The following AGBL1 variants were observed in gnomAD, a reference collection of about 807,000 sequenced individuals.
AGBL1 encodes the protein AGBL carboxypeptidase 1.
A neutral mutation model predicts 118.9 loss-of-function variants in AGBL1; 130 were observed. That is an observed-to-expected ratio of 1.09 (90% CI 0.95 to 1.26). The LOEUF is 1.26. AGBL1 is among the 50% of genes most tolerant of loss of function. The probability of loss-of-function intolerance (pLI) is 0.00; values close to 1 mark genes in which losing one functional copy is unlikely to be tolerated. For missense variants in AGBL1, 1,584 were observed against 1,298.1 expected (o/e 1.22, Z -3.38); for synonymous variants, 555 against 478.9 (o/e 1.16, Z -2.08).
intron 4 of AGBL1, among the ~76,000 whole-genome samples, 184 bp downstream of exon 4, chr15:86,154,745 T>G (rs2077165474): frequency 6.6e-6 from 1 of 152,184 alleles, no homozygotes; most frequent in Admixed American, 6.5e-5. Context: ...CTTCATCATC[T>G]TCTCCTTAGC....
chr15:86,750,981 T>G (rs1481554775), intron 22 of AGBL1, among the ~76,000 whole-genome samples: 1 of 152,156 alleles, frequency 6.6e-6, no homozygotes, highest in African/African-American at 2.4e-5. Flanking sequence ...CATTCTTTTT[T>G]GTGGCTGCAT....
chr15:86,550,897 G>C (rs1462779502), intron 20 of AGBL1, among the ~76,000 whole-genome samples: 1 of 151,808 alleles, frequency 6.6e-6, no homozygotes, highest in Non-Finnish European at 1.5e-5. Flanking sequence ...ACCTACTCAA[G>C]AGAATTAAAT....
intron 3 of AGBL1, among the ~76,000 whole-genome samples, chr15:86,153,480 C>T (rs933430084): frequency 6.7e-6 from 1 of 149,216 alleles, no homozygotes; most frequent in Non-Finnish European, 1.5e-5. Flanking sequence ...GGATACAGGG[C>T]AGTGAACATC....
At chr15:86,086,701 T>G (rs1013325894) in intron 1 of AGBL1, among the ~76,000 whole-genome samples, 1 of 152,206 alleles carries the variant, frequency 6.6e-6, no homozygotes, top group Non-Finnish European at 1.5e-5. Context: ...TACAGTAACA[T>G]GGAGGAATCG....
chr15:86,271,842 C>G, intron 15 of AGBL1, 136 bp downstream of exon 15: 1 of 786,620 alleles, frequency 1.3e-6, no homozygotes, highest in Non-Finnish European at 2.1e-6. Context: ...GTCCTAATGG[C>G]CAGTGTCCGG....
intron 17 of AGBL1, among the ~76,000 whole-genome samples, chr15:86,396,143 ATG>A (rs1188397681): frequency 2.3e-5 from 2 of 88,376 alleles, no homozygotes; most frequent in African/African-American, 8.0e-5. Flanking sequence ...ATTCATATAT[ATG>A]TGTATATATA....
At chr15:86,256,829 T>G in intron 7 of AGBL1, 24 bp from the exon 8 acceptor site, 1 of 1,612,572 alleles carries the variant, frequency 6.2e-7, no homozygotes, top group Non-Finnish European at 8.5e-7. Context: ...TGTTGGCATC[T>G]GATATAATCT....
chr15:86,876,253 G>A (rs1249023214), intron 22 of AGBL1, among the ~76,000 whole-genome samples: 1 of 152,112 alleles, frequency 6.6e-6, no homozygotes, highest in Non-Finnish European at 1.5e-5. Flanking sequence ...GGGAAGGCGG[G>A]GGTTGAATGG....
intron 1 of AGBL1, among the ~76,000 whole-genome samples, chr15:86,113,793 C>T (rs137977862): frequency 2.2e-4 from 34 of 152,280 alleles, no homozygotes; most frequent in Admixed American, 3.3e-4. Context: ...CCAATAGTAC[C>T]GTTTTACTAC....
intron 22 of AGBL1, among the ~76,000 whole-genome samples, chr15:86,855,894 G>T (rs564640301): frequency 6.6e-6 from 1 of 152,292 alleles, no homozygotes; most frequent in South Asian, 2.1e-4. Flanking sequence ...GTCTTCTCTA[G>T]CAGCTCCTGA....
intron 19 of AGBL1, 59 bp downstream of exon 19, chr15:86,522,998 C>G: frequency 6.4e-7 from 1 of 1,563,616 alleles, no homozygotes; most frequent in Non-Finnish European, 8.8e-7. Flanking sequence ...TTCCAGGAAG[C>G]AGAGTATATT....
chr15:86,944,678 C>T (rs1363182117), intron 23 of AGBL1, among the ~76,000 whole-genome samples: 1 of 152,122 alleles, frequency 6.6e-6, no homozygotes, highest in Non-Finnish European at 1.5e-5. Context: ...TTTTTAATGC[C>T]TTCATTCATG....
intron 18 of AGBL1, among the ~76,000 whole-genome samples, chr15:86,443,158 C>T (rs566687388): frequency 6.6e-6 from 1 of 152,294 alleles, no homozygotes; most frequent in South Asian, 2.1e-4. Flanking sequence ...CCACTCAGCC[C>T]CTGTGGCCCT....
chr15:87,013,907 C>A (rs1267324827), intron 24 of AGBL1, among the ~76,000 whole-genome samples: 1 of 152,090 alleles, frequency 6.6e-6, no homozygotes, highest in African/African-American at 2.4e-5. Flanking sequence ...TGATTTGATT[C>A]CAGGAGCTAC....
At chr15:86,979,456 A>G (rs933975386) in intron 23 of AGBL1, among the ~76,000 whole-genome samples, 1 of 152,120 alleles carries the variant, frequency 6.6e-6, no homozygotes, top group Non-Finnish European at 1.5e-5. Flanking sequence ...CCAATAATTA[A>G]AAGCAATGTA....
At chr15:86,497,529 G>A (rs1477719135) in intron 18 of AGBL1, among the ~76,000 whole-genome samples, 2 of 151,944 alleles carry the variant, frequency 1.3e-5, no homozygotes, top group Admixed American at 6.6e-5. Flanking sequence ...TCACTGAAAT[G>A]TGTCCTCCTG....
chr15:86,864,155 G>T lies in AGBL1; in HGVS notation c.3159-42932G>T, dbSNP rs149504860. On this transcript the variant is annotated intron_variant, in intron 22 of 22. Transcript: ENST00000614907. ...AGAGGCTCTTTCTCTTGAGTTGAAT[G>T]TAAGAAAGAAGGCATACTTGCTCCC... Among the ~76,000 whole-genome samples, 981 of 152,266 alleles carry T rather than the reference G, an allele frequency of 6.4e-3. 27 individuals carry two copies. The highest frequency in any genetic ancestry group is 0.01 in the Middle Eastern group (3 of 294).
intron 17 of AGBL1, among the ~76,000 whole-genome samples, chr15:86,318,986 G>A (rs1192462394): frequency 6.6e-6 from 1 of 152,046 alleles, no homozygotes; most frequent in Non-Finnish European, 1.5e-5. Flanking sequence ...TACCAGCAAG[G>A]ACATTAAAAC....
At chr15:86,527,704 T>C (rs769470876) in intron 19 of AGBL1, among the ~76,000 whole-genome samples, 16 of 152,300 alleles carry the variant, frequency 1.1e-4, no homozygotes, top group Admixed American at 2.0e-4. Flanking sequence ...GCTAGGAAGA[T>C]CCACCGGTTC....
Sources: gnomAD v4.1 joint callset for allele counts (sites outside exome capture counted in the v4.1 genomes callset) on GRCh38, gnomAD v4.1.1 for gene constraint, MANE v1.5 for transcripts, NCBI Gene and HGNC (gene_info 2026-07-23, HGNC 2026-07-21) for gene names.